Variants in RABL2A observed in about 807,000 individuals in gnomAD.
RABL2A encodes rab-like protein 2A.
RABL2A carries 17 observed loss-of-function variants against 30.7 expected under a neutral mutation model. That is an observed-to-expected ratio of 0.55 (90% confidence interval 0.38 to 0.83). RABL2A has a LOEUF of 0.83. Ranked by LOEUF, RABL2A falls within the 40% of genes least tolerant of loss-of-function variation. The pLI, the probability that RABL2A is intolerant of heterozygous loss-of-function variation, is 0.00. For missense variants in RABL2A, 155 were observed against 272.6 expected (o/e 0.57, Z 3.04); for synonymous variants, 64 against 101.8 (o/e 0.63, Z 2.24).
chr2:113,639,016 C>T (rs1453053269), intron 5 of RABL2A, among the ~76,000 whole-genome samples: 1 of 152,244 alleles, frequency 6.6e-6, no homozygotes, highest in Admixed American at 6.5e-5. Context: ...GGCACAGTGG[C>T]TTATGCCTGT....
chr2:113,634,237 G>A lies in RABL2A; in HGVS notation c.217+5G>A, dbSNP rs1278683752. 10 of 1,609,300 alleles carry A rather than the reference G, an allele frequency of 6.2e-6. No individual in the cohort carries two copies. The highest frequency in any genetic ancestry group is 8.5e-6 in the Non-Finnish European group (10 of 1,177,672). On this transcript the variant is annotated splice_donor_5th_base_variant and intron_variant, in intron 4 of 8. Transcript: ENST00000683472. ...ATGGCAAGACCATCCTTGTGGGTAA[G>A]TGGCACAGGGCCAAGACATGCTGAC...
In RABL2A at chr2:113,642,878, G is replaced by A. The variant is rs1391880768; in HGVS notation, c.*749G>A. 4.7e-5 allele frequency: 13 copies of A among 278,598 alleles called. No individual in the cohort carries two copies. The highest frequency in any genetic ancestry group is 7.0e-5 in the Non-Finnish European group (10 of 142,038). The allele number at this position is 278,598 out of a possible 1,614,324, so 17.3% of individuals were successfully genotyped here. A position where few individuals can be genotyped will look rare whatever the true frequency, so the allele number is the denominator to read the frequency against. On this transcript the variant is annotated 3_prime_UTR_variant, in exon 9 of 9. Coordinates refer to ENST00000683472, the MANE Select transcript of RABL2A (RefSeq NM_001306158.2). Reference sequence around the variant, plus strand: ...CCTCACCTCGTGATCCGCCCGCCTCGGCCTCCCAAAGTGCTGGGATTACAG... The same window carrying A: ...CCTCACCTCGTGATCCGCCCGCCTCAGCCTCCCAAAGTGCTGGGATTACAG...
chr2:113,633,870 G>A, intron 3 of RABL2A: 2 of 465,534 alleles, frequency 4.3e-6, no homozygotes, highest in Admixed American at 3.4e-5. Flanking sequence ...ACTGCATGAT[G>A]CCTTTTATGA....
intron 4 of RABL2A, among the ~76,000 whole-genome samples, chr2:113,634,837 C>G (rs551883245): frequency 4.9e-4 from 74 of 152,294 alleles, no homozygotes; most frequent in African/African-American, 1.6e-3. Context: ...CCACTGTCTT[C>G]CCATACACAC....
At position 113,630,063 on chromosome 2, in the gene RABL2A, G is replaced by A. The variant is rs1679731813; in HGVS notation, c.107+1350G>A. On this transcript the variant is annotated intron_variant, in intron 2 of 8. Coordinates refer to ENST00000683472, the MANE Select transcript of RABL2A (RefSeq NM_001306158.2). ...CGGAGAATGTATCTTGGTATACCCA[G>A]CTCCCAAGTTCAATGCTAGTCTCTT... Among the ~76,000 whole-genome samples the A allele has an allele frequency of 2.0e-5, 3 of 152,106 alleles. No individual in the cohort carries two copies. In the South Asian group the frequency reaches 6.2e-4, roughly 32 times the overall value.
chr2:113,627,852 A>G (rs1396566986), intron 1 of RABL2A: 1 of 165,816 alleles, frequency 6.0e-6, no homozygotes, highest in Non-Finnish European at 1.3e-5. Flanking sequence ...CGCTCTCTCT[A>G]CAGGGTACAG....
At chr2:113,639,644 T>C (rs1002677328) in intron 5 of RABL2A, among the ~76,000 whole-genome samples, 3 of 150,806 alleles carry the variant, frequency 2.0e-5, no homozygotes, top group Admixed American at 2.0e-4. Context: ...TCCCTTGAGA[T>C]CAAGAGTTCG....
intron 5 of RABL2A, chr2:113,640,637 A>G (rs1469302544): frequency 2.1e-6 from 1 of 474,732 alleles, no homozygotes; most frequent in Non-Finnish European, 3.6e-6. Context: ...TCAACCTCCC[A>G]AAGTGCTGGG....
intron 2 of RABL2A, among the ~76,000 whole-genome samples, chr2:113,632,702 G>T (rs1473594854): frequency 6.6e-6 from 1 of 152,242 alleles, no homozygotes; most frequent in African/African-American, 2.4e-5. Flanking sequence ...GGGCTGGTGT[G>T]TGTACTCATA....
chr2:113,633,970 T>C, intron 3 of RABL2A, 183 bp from the exon 4 acceptor site: 1 of 1,319,364 alleles, frequency 7.6e-7, no homozygotes, highest in Non-Finnish European at 1.0e-6. Flanking sequence ...CACCCTTCCA[T>C]GGAGCTTGTA....
chr2:113,635,443 G>T (rs1371420420), intron 5 of RABL2A: 18 of 428,306 alleles, frequency 4.2e-5, no homozygotes, highest in Non-Finnish European at 7.5e-5. Flanking sequence ...GACCTAACCT[G>T]TCAGACAAGC....
At chr2:113,631,055 G>A (rs1323486446) in intron 2 of RABL2A, among the ~76,000 whole-genome samples, 1 of 151,982 alleles carries the variant, frequency 6.6e-6, no homozygotes, top group Admixed American at 6.6e-5. Flanking sequence ...GCGCCACCAT[G>A]CCTAGCTAAT....
intron 2 of RABL2A, among the ~76,000 whole-genome samples, chr2:113,630,317 T>C (rs995429747): frequency 2.0e-5 from 3 of 152,214 alleles, no homozygotes; most frequent in Non-Finnish European, 4.4e-5. Context: ...TCAGTTTTGA[T>C]TGGACTCAAG....
rs1229127921 is a variant in RABL2A, at chr2:113,643,024, T to G, written c.*895T>G. ...TTTCAGGAGCTCTTCTAGGTAAAGC[T>G]GAGATCACAGGAACAGCAGGTGACA... On this transcript the variant is annotated 3_prime_UTR_variant, in exon 9 of 9. Coordinates refer to ENST00000683472, the MANE Select transcript of RABL2A (RefSeq NM_001306158.2). 1 of 397,386 alleles carries G rather than the reference T, an allele frequency of 2.5e-6. No individual in the cohort carries two copies. The highest frequency in any genetic ancestry group is 4.9e-6 in the Non-Finnish European group (1 of 204,832). The allele number at this position is 397,386 out of a possible 1,614,324, so 24.6% of individuals were successfully genotyped here.
intron 4 of RABL2A, chr2:113,634,750 G>A (rs1241537052): frequency 1.3e-5 from 6 of 478,008 alleles, no homozygotes; most frequent in African/African-American, 5.9e-5. Flanking sequence ...AGGACCCTGC[G>A]TGTCACGTGG....
In RABL2A at chr2:113,637,569, C is replaced by T. The variant is rs186680685; in HGVS notation, c.297+2439C>T. On this transcript the variant is annotated intron_variant, in intron 5 of 8. Transcript: ENST00000683472. ...TTTGCAGATGGTAAAGGAAGGAACT[C>T]GTCACCTAATTCCCCCGACTGCCCG... 5.0e-4 allele frequency: 605 copies of T among 1,207,882 alleles called. 6 individuals carry two copies. In the South Asian group the frequency reaches 7.4e-3, roughly 15 times the overall value. 74.8% of individuals were successfully genotyped at this position (1,207,882 alleles called of 1,614,324 possible).
intron 3 of RABL2A, 192 bp downstream of exon 3, chr2:113,633,136 G>A (rs1681093790): frequency 1.3e-6 from 1 of 768,826 alleles, no homozygotes; most frequent in East Asian, 2.7e-5. Flanking sequence ...AATCAGTGCT[G>A]TATATTTTGG....
intron 2 of RABL2A, 139 bp downstream of exon 2, chr2:113,628,852 G>A: frequency 1.3e-6 from 2 of 1,530,764 alleles, no homozygotes; most frequent in Admixed American, 3.7e-5. Context: ...TGTTCATGGG[G>A]GAACGAGGGG....
chr2:113,640,736 A>T, intron 5 of RABL2A, 158 bp from the exon 6 acceptor site: 2 of 1,122,400 alleles, frequency 1.8e-6, no homozygotes, highest in South Asian at 3.2e-5. Flanking sequence ...TTCCCTGAGA[A>T]ACGGCAGCCT....
Sources: allele counts gnomAD v4.1 joint callset (sites outside exome capture counted in the v4.1 genomes callset), GRCh38; gene constraint gnomAD v4.1.1; transcripts MANE v1.5; gene names NCBI Gene and HGNC (gene_info 2026-07-23, HGNC 2026-07-21).